The following SLITRK4 variants were observed in gnomAD, a reference collection of about 807,000 sequenced individuals.
The protein encoded by SLITRK4 is SLIT and NTRK like family member 4, also known as SLIT and NTRK-like protein 4.
A neutral mutation model predicts 34.7 loss-of-function variants in SLITRK4; 7 were observed. The observed-to-expected ratio is 0.20, with a 90% CI of 0.11 to 0.38. The LOEUF (loss-of-function observed/expected upper bound fraction) is 0.38. SLITRK4 is among the 10% of genes least tolerant of loss of function. The probability of loss-of-function intolerance (pLI) is 1.00; values close to 1 mark genes in which losing one functional copy is unlikely to be tolerated. For synonymous variants in SLITRK4, 237 were observed against 246.2 expected, an observed-to-expected ratio of 0.96 and a Z score of 0.35; for missense variants, 474 against 607.0, an observed-to-expected ratio of 0.78 and a Z score of 2.30.
Position 143,627,544 on chromosome X carries a change from T to G in SLITRK4, c.*1051A>C, listed in dbSNP as rs1930835558. The G allele has an allele frequency of 9.0e-6, 1 of 111,527 alleles. No homozygotes were observed. The highest frequency in any genetic ancestry group is 3.3e-5 in the African/African-American group (1 of 30,737). The allele number at this position is 111,527 out of a possible 1,213,427, so 9.2% of individuals were successfully genotyped here. ...CTGATCACAAAGTCCAGAATATTTC[T>G]GTTCACACCAGCTTGTTTCAGTTTA... On this transcript the variant is annotated 3_prime_UTR_variant, in exon 2 of 2. Transcript: ENST00000356928.
At chrX:143,633,645 G>C (rs1009781554) in intron 1 of SLITRK4, among the ~76,000 whole-genome samples, 3 of 111,446 alleles carry the variant, frequency 2.7e-5, no homozygotes, top group African/African-American at 9.8e-5. Context: ...AGCGGCCTGA[G>C]GGGGGCAGAA....
In SLITRK4 at chrX:143,628,631, C is replaced by G. The variant is rs782115071; in HGVS notation, c.2478G>C (p.Gln826His). The G allele has an allele frequency of 1.4e-5, 17 of 1,203,930 alleles. No individual in the cohort carries two copies. Among genetic ancestry groups the G allele is most frequent in the Non-Finnish European group, 1.9e-5 (17 of 892,768 alleles). The change falls in exon 2 of 2, where the codon CAG (glutamine) becomes CAC (histidine). Residue 826 changes from glutamine to histidine, a missense_variant. Gln to His is a conservative substitution (Grantham distance 24, BLOSUM62 0). Transcript: ENST00000356928. ...AKLQSSPDYL[Q>H]VLEEQTALNK... is the part of the protein sequence containing the mutation. The stretch of plus-strand genomic sequence containing the variant: ...TCAAAGCTGTTTGCTCCTCAAGGAC[C>G]TGTAGGTAGTCAGGGGAACTCTGCA...
rs1477051104 is a variant in SLITRK4, at chrX:143,629,905, C to T, written c.1204G>A (p.Gly402Arg). ...CTGCCTAAATGAAGCAAATCCAGTC[C>T]TTCAAAGTCAGTGAAGTCTGATACG... ...VDVSDFTDFE[G>R]LDLLHLGSNQ... The change falls in exon 2 of 2, where the codon GGA becomes AGA. Residue 402 changes from glycine to arginine, a missense_variant. By Grantham distance (125) the Gly-to-Arg change is moderately radical. This residue lies in a region of SLITRK4 where 345 missense variants were observed against 406.5 expected (regional missense o/e 0.85). Coordinates refer to ENST00000356928, the MANE Select transcript of SLITRK4 (RefSeq NM_001184749.3). 1 of 1,209,961 alleles carries T rather than the reference C, an allele frequency of 8.3e-7. No individual in the cohort carries two copies. Among genetic ancestry groups the T allele is most frequent in the Non-Finnish European group, 1.1e-6 (1 of 895,206 alleles).
chrX:143,628,300 T>C lies in SLITRK4; in HGVS notation c.*295A>G. On this transcript the variant is annotated 3_prime_UTR_variant, in exon 2 of 2. Coordinates refer to ENST00000356928, the MANE Select transcript of SLITRK4 (RefSeq NM_001184749.3). ...AAGAGACGAAGGTTTTGCATTGGGG[T>C]ACAAAACAGATTTGCCTCTTGAGGT... The C allele has an allele frequency of 3.2e-6, 1 of 311,727 alleles. No individual in the cohort carries two copies. Among genetic ancestry groups the C allele is most frequent in the Non-Finnish European group, 5.6e-6 (1 of 179,923 alleles). 25.7% of individuals were successfully genotyped at this position (311,727 alleles called of 1,213,427 possible).
chrX:143,632,459 G>C (rs782425238), intron 1 of SLITRK4, among the ~76,000 whole-genome samples: 5 of 112,035 alleles, frequency 4.5e-5, no homozygotes, highest in Admixed American at 1.9e-4. Flanking sequence ...AGCAATATTA[G>C]TCTTTTCCAT....
intron 1 of SLITRK4, among the ~76,000 whole-genome samples, chrX:143,633,768 C>T (rs1931127335): frequency 9.0e-6 from 1 of 111,524 alleles, no homozygotes; most frequent in South Asian, 3.8e-4. Flanking sequence ...GCGGAGAGAC[C>T]CGGCCATTGC....
chrX:143,629,290 T>C lies in SLITRK4; in HGVS notation c.1819A>G (p.Ile607Val). The change falls in exon 2 of 2, where the codon ATT (isoleucine) becomes GTT (valine). Residue 607 changes from isoleucine to valine, a missense_variant. Around this residue, in one of 3 missense-constraint regions of SLITRK4, gnomAD observed 345 missense variants for 406.5 expected, o/e 0.85. Transcript: ENST00000356928. ...AITFTTPLGP[I>V]RSPPGGPVPL... ...ACTGGCCCACCAGGAGGACTTCGAATGGGACCCAAAGGAGTGGTGAATGTA... is the reference window on the plus strand; with the variant it reads ...ACTGGCCCACCAGGAGGACTTCGAACGGGACCCAAAGGAGTGGTGAATGTA... The C allele has an allele frequency of 2.5e-6, 3 of 1,212,081 alleles. No individual in the cohort carries two copies. The highest frequency in any genetic ancestry group is 3.3e-6 in the Non-Finnish European group (3 of 895,595).
chrX:143,635,439 C>T (rs781827638), intron 1 of SLITRK4, among the ~76,000 whole-genome samples: 2 of 102,609 alleles, frequency 1.9e-5, no homozygotes, highest in South Asian at 9.9e-4. Flanking sequence ...TACACACACA[C>T]TCGAGCCCTT....
In SLITRK4 at chrX:143,629,898, T is replaced by C. The variant is rs191869584; in HGVS notation, c.1211A>G (p.Asp404Gly). ...TTGATTGCTGCCTAAATGAAGCAAATCCAGTCCTTCAAAGTCAGTGAAGTC... is the reference window on the plus strand; with the variant it reads ...TTGATTGCTGCCTAAATGAAGCAAACCCAGTCCTTCAAAGTCAGTGAAGTC... ...VSDFTDFEGL[D>G]LLHLGSNQIT... The change falls in exon 2 of 2, where the codon GAT becomes GGT. Residue 404 changes from aspartate (D) to glycine (G), a missense_variant. Physicochemically the swap from Asp to Gly is moderately conservative, Grantham distance 94. Around this residue, in one of 3 missense-constraint regions of SLITRK4, gnomAD observed 345 missense variants for 406.5 expected, o/e 0.85. Coordinates refer to ENST00000356928, the MANE Select transcript of SLITRK4 (RefSeq NM_001184749.3). 9 of 1,209,956 alleles carry C rather than the reference T, an allele frequency of 7.4e-6. No homozygotes were observed.
At chrX:143,635,014 A>AGGCGAGCAGGCGGGCC (rs1931184731) in intron 1 of SLITRK4, 1 of 108,403 alleles carries the variant, frequency 9.2e-6, no homozygotes, top group South Asian at 4.2e-4. Context: ...CAGCCCCAGC[A>AGGCGAGCAGGCGGGCC]GGCGAGCAGG....
chrX:143,631,281 C>A (rs1363637119), intron 1 of SLITRK4, 123 bp from the exon 2 acceptor site: 2 of 397,062 alleles, frequency 5.0e-6, no homozygotes, highest in African/African-American at 5.1e-5. Flanking sequence ...GGCAATCAAA[C>A]CTCCAAATAG....
At position 143,629,785 on chromosome X, in the gene SLITRK4, G is replaced by T; in HGVS notation, c.1324C>A (p.Pro442Thr). Residue 442 changes from proline (P) to threonine (T), a missense_variant, in exon 2 of 2, where the codon CCT (proline) becomes ACT (threonine). Pro to Thr is a conservative substitution (Grantham distance 38). This residue lies in a region of SLITRK4 where 345 missense variants were observed against 406.5 expected (regional missense o/e 0.85). Transcript: ENST00000356928. ...TTATGAAGACCTGAAAATATTTCAG[G>T]ATAGAGTCTCTCAATTTGATTGCCA... ...LNGNQIERLY[P>T]EIFSGLHNLQ... 8.3e-7 allele frequency: 1 copy of T among 1,209,611 alleles called. No individual in the cohort carries two copies. Among genetic ancestry groups the T allele is most frequent in the South Asian group, 1.8e-5 (1 of 56,904 alleles).
In SLITRK4 at chrX:143,630,413, T is replaced by G. The variant is rs782789908; in HGVS notation, c.696A>C (p.Pro232=). 3.3e-6 allele frequency: 4 copies of G among 1,211,586 alleles called. No individual in the cohort carries two copies. The highest frequency in any genetic ancestry group is 4.5e-6 in the Non-Finnish European group (4 of 895,517). The part of the protein sequence containing the change: ...LPLKAWLENM[P]YNIYIGEAIC... The stretch of plus-strand genomic sequence containing the variant: ...TAGCTTCTCCTATGTAAATGTTATA[T>G]GGCATGTTCTCCAGCCAAGCTTTTA... The change falls in exon 2 of 2, where the codon CCA becomes CCC. Residue 232 remains proline, a synonymous_variant. Coordinates refer to ENST00000356928, the MANE Select transcript of SLITRK4 (RefSeq NM_001184749.3).
rs1356769598 is a variant in SLITRK4 at position 143,633,329 on chromosome X, C to T, written c.-50-2171G>A. ...AAAAAGAACTCGGAGAAGGGAGCTACAAAGAGGGTAAAGGGAGCACTGAAT... is the reference window on the plus strand; with the variant it reads ...AAAAAGAACTCGGAGAAGGGAGCTATAAAGAGGGTAAAGGGAGCACTGAAT... On this transcript the variant is annotated intron_variant, in intron 1 of 1. Coordinates refer to ENST00000356928, the MANE Select transcript of SLITRK4 (RefSeq NM_001184749.3). Among the ~76,000 whole-genome samples the T allele has an allele frequency of 2.7e-5, 3 of 111,101 alleles. No individual in the cohort carries two copies. The Admixed American group carries it at 2.9e-4, about 11-fold the overall frequency.
Position 143,626,476 on chromosome X carries a change from C to T in SLITRK4, c.*2119G>A, listed in dbSNP as rs1556425476. The T allele has an allele frequency of 9.2e-6, 1 of 109,244 alleles. No individual in the cohort carries two copies. Among genetic ancestry groups the T allele is most frequent in the Admixed American group, 9.9e-5 (1 of 10,054 alleles). 9.0% of individuals were successfully genotyped at this position (109,244 alleles called of 1,213,427 possible). A position where few individuals can be genotyped will look rare whatever the true frequency, so the allele number is the denominator to read the frequency against. On this transcript the variant is annotated 3_prime_UTR_variant, in exon 2 of 2. Transcript: ENST00000356928. ...GTTTTTGCTATTTAAAAAAGATTTC[C>T]AAATTATCTATATGTATGAATATAT...
rs1930921186 is a variant in SLITRK4, at chrX:143,629,105, T to C, written c.2004A>G (p.Leu668=). 2 of 1,212,029 alleles carry C rather than the reference T, an allele frequency of 1.7e-6. No individual in the cohort carries two copies. Among genetic ancestry groups the C allele is most frequent in the East Asian group, 3.0e-5 (1 of 33,834 alleles). Residue 668 remains leucine (L), a synonymous_variant, in exon 2 of 2, where the codon CTA becomes CTG. Coordinates refer to ENST00000356928, the MANE Select transcript of SLITRK4 (RefSeq NM_001184749.3). ...TATTGGTTTTGTGGTCATGCTTCCT[T>C]AGCTGCAGCTGCATGGAGCCACAGT... The part of the protein sequence containing the change: ...NPDCGSMQLQ[L]RKHDHKTNKK...
At chrX:143,633,798 G>A (rs1931129098) in intron 1 of SLITRK4, among the ~76,000 whole-genome samples, 1 of 111,713 alleles carries the variant, frequency 9.0e-6, no homozygotes, top group Non-Finnish European at 1.9e-5. Flanking sequence ...GCGCTACCTC[G>A]GGCGGGCGGC....
rs925632740 is a variant in SLITRK4 at position 143,624,427 on chromosome X, A to G, written c.*4168T>C. On this transcript the variant is annotated 3_prime_UTR_variant, in exon 2 of 2. Coordinates refer to ENST00000356928, the MANE Select transcript of SLITRK4 (RefSeq NM_001184749.3). ...TTATCTGAAGTTATGTCAGAATCCA[A>G]CTGATTCAAAAGAATGGGCAAGAAT... is the stretch of plus-strand genomic sequence containing the variant. 2 of 111,888 alleles carry G rather than the reference A, an allele frequency of 1.8e-5. No homozygotes were observed. Among genetic ancestry groups the G allele is most frequent in the African/African-American group, 6.5e-5 (2 of 30,905 alleles). 9.2% of individuals were successfully genotyped at this position (111,888 alleles called of 1,213,427 possible). A position where few individuals can be genotyped will look rare whatever the true frequency, so the allele number is the denominator to read the frequency against.
chrX:143,629,835 G>A lies in SLITRK4; in HGVS notation c.1274C>T (p.Thr425Ile). 1 of 1,209,984 alleles carries A rather than the reference G, an allele frequency of 8.3e-7. No individual in the cohort carries two copies. Among genetic ancestry groups the A allele is most frequent in the South Asian group, 1.8e-5 (1 of 56,846 alleles). The change falls in exon 2 of 2, where the codon ACT (threonine) becomes ATT (isoleucine). Residue 425 changes from threonine (T) to isoleucine (I), a missense_variant. Around this residue, in one of 3 missense-constraint regions of SLITRK4, gnomAD observed 345 missense variants for 406.5 expected, o/e 0.85. Coordinates refer to ENST00000356928, the MANE Select transcript of SLITRK4 (RefSeq NM_001184749.3). ...ATTGAGATATAGCCTGCGTAAATTA[G>A]TGAGATTGTGAAATACGTCTCCCTT... ...VIKGDVFHNL[T>I]NLRRLYLNGN...
Sources: allele counts gnomAD v4.1 joint callset (sites outside exome capture counted in the v4.1 genomes callset), GRCh38; gene constraint gnomAD v4.1.1; regional missense constraint gnomAD v4.1.1; transcripts MANE v1.5; gene names NCBI Gene and HGNC (gene_info 2026-07-23, HGNC 2026-07-21).